DTWD2: variants seen among roughly 807,000 people sequenced by gnomAD.
DTWD2 encodes tRNA-uridine aminocarboxypropyltransferase 2.
Under a neutral mutation model 31.8 loss-of-function variants are expected in DTWD2, and 39 were observed. That is an observed-to-expected ratio of 1.22 (90% CI 0.95 to 1.60). DTWD2 has a LOEUF of 1.60. Ranked by LOEUF, DTWD2 falls within the 40% of genes most tolerant of loss-of-function variation. The pLI, the probability that DTWD2 is intolerant of heterozygous loss-of-function variation, is 0.00. For missense variants in DTWD2, 515 were observed against 381.5 expected (o/e 1.35, Z -2.92); for synonymous variants, 180 against 142.8 (o/e 1.26, Z -1.86).
chr5:118,963,743 C>T (rs191654117), intron 1 of DTWD2, among the ~76,000 whole-genome samples: 1 of 152,060 alleles, frequency 6.6e-6, no homozygotes, highest in South Asian at 2.1e-4. Flanking sequence ...TACCACCTCC[C>T]CTGTAAAGTT....
At chr5:118,921,636 G>C (rs1181842235) in intron 4 of DTWD2, among the ~76,000 whole-genome samples, 1 of 152,152 alleles carries the variant, frequency 6.6e-6, no homozygotes, top group Non-Finnish European at 1.5e-5. Flanking sequence ...CTCCCCCAAA[G>C]GAGGAAGACA....
intron 1 of DTWD2, among the ~76,000 whole-genome samples, chr5:118,984,837 A>G (rs1755388120): frequency 6.6e-6 from 1 of 152,224 alleles, no homozygotes; most frequent in African/African-American, 2.4e-5. Context: ...CAGAAGATAT[A>G]AAAGTATAAT....
At chr5:118,979,087 A>C (rs1425982380) in intron 1 of DTWD2, among the ~76,000 whole-genome samples, 1 of 152,054 alleles carries the variant, frequency 6.6e-6, no homozygotes, top group African/African-American at 2.4e-5. Context: ...GGTGGATCAC[A>C]AGATCAGGAG....
intron 1 of DTWD2, among the ~76,000 whole-genome samples, chr5:118,962,263 T>G (rs898127227): frequency 6.6e-6 from 1 of 152,136 alleles, no homozygotes; most frequent in African/African-American, 2.4e-5. Flanking sequence ...TTATTTGCTA[T>G]AAATTAGAGA....
At chr5:118,908,792 A>C (rs188818899) in intron 4 of DTWD2, among the ~76,000 whole-genome samples, 46 of 152,300 alleles carry the variant, frequency 3.0e-4, no homozygotes, top group Admixed American at 2.6e-3. Context: ...AATTAAACTC[A>C]AATCACTTAA....
At chr5:118,981,962 T>C (rs931933382) in intron 1 of DTWD2, among the ~76,000 whole-genome samples, 1 of 152,204 alleles carries the variant, frequency 6.6e-6, no homozygotes, top group African/African-American at 2.4e-5. Context: ...GGTGTAGCAA[T>C]AATTCATTAT....
At chr5:118,845,355 C>T (rs1278944988) in intron 5 of DTWD2, among the ~76,000 whole-genome samples, 1 of 152,166 alleles carries the variant, frequency 6.6e-6, no homozygotes, top group Non-Finnish European at 1.5e-5. Flanking sequence ...ACTGATACTG[C>T]ATTTCACAAA....
At chr5:118,868,249 C>A (rs1752423165) in intron 4 of DTWD2, among the ~76,000 whole-genome samples, 1 of 151,446 alleles carries the variant, frequency 6.6e-6, no homozygotes. Flanking sequence ...TTACACCATA[C>A]ACAAAAAATT....
intron 4 of DTWD2, among the ~76,000 whole-genome samples, chr5:118,872,513 A>C (rs1752528262): frequency 6.6e-6 from 1 of 152,216 alleles, no homozygotes; most frequent in Admixed American, 6.5e-5. Flanking sequence ...TGTATCTCAG[A>C]AAATAGGACA....
chr5:118,943,427 TGTA>T (rs907195991), intron 2 of DTWD2, among the ~76,000 whole-genome samples: 1 of 151,876 alleles, frequency 6.6e-6, no homozygotes, highest in African/African-American at 2.4e-5. Context: ...GGTGGGCGCC[TGTA>T]GTCCCAGCTA....
At chr5:118,846,373 A>G (rs1236039987) in intron 5 of DTWD2, among the ~76,000 whole-genome samples, 1 of 152,178 alleles carries the variant, frequency 6.6e-6, no homozygotes, top group African/African-American at 2.4e-5. Flanking sequence ...TAAAGGTTAT[A>G]TTTAGGATTG....
chr5:118,918,201 T>C (rs1039597991), intron 4 of DTWD2, among the ~76,000 whole-genome samples: 2 of 152,250 alleles, frequency 1.3e-5, no homozygotes, highest in African/African-American at 4.8e-5. Flanking sequence ...TCAGTCTTTT[T>C]GTTTGTTCTT....
At chr5:118,957,137 C>A (rs556512423) in intron 1 of DTWD2, among the ~76,000 whole-genome samples, 3 of 152,216 alleles carry the variant, frequency 2.0e-5, no homozygotes, top group African/African-American at 7.2e-5. Flanking sequence ...TATTCCCATA[C>A]CCTGCAAAAT....
intron 3 of DTWD2, among the ~76,000 whole-genome samples, chr5:118,932,704 C>A (rs1753954988): frequency 1.3e-5 from 2 of 152,130 alleles, no homozygotes; most frequent in African/African-American, 2.4e-5. Context: ...TTCAGAGGGA[C>A]AACCATATGA....
intron 3 of DTWD2, 21 bp downstream of exon 3, chr5:118,939,175 T>G: frequency 6.3e-7 from 1 of 1,582,538 alleles, no homozygotes; most frequent in Non-Finnish European, 8.6e-7. Flanking sequence ...ATTATTTACA[T>G]TGCCCTAACA....
chr5:118,884,627 T>A (rs1752814516), intron 4 of DTWD2, among the ~76,000 whole-genome samples: 1 of 152,244 alleles, frequency 6.6e-6, no homozygotes. Context: ...GCATAGCTTT[T>A]TCCTTTCACA....
At chr5:118,848,504 T>C (rs569912681) in intron 4 of DTWD2, among the ~76,000 whole-genome samples, 2 of 152,200 alleles carry the variant, frequency 1.3e-5, no homozygotes, top group Non-Finnish European at 2.9e-5. Flanking sequence ...GTTATAAGAA[T>C]GGCAAATAGG....
chr5:118,846,223 T>C (rs986640097), intron 5 of DTWD2, among the ~76,000 whole-genome samples: 13 of 152,142 alleles, frequency 8.5e-5, no homozygotes, highest in African/African-American at 2.4e-4. Context: ...TATTAATTAA[T>C]ATAATGTACA....
At chr5:118,917,620 C>A (rs1390824685) in intron 4 of DTWD2, among the ~76,000 whole-genome samples, 4 of 152,138 alleles carry the variant, frequency 2.6e-5, no homozygotes, top group Non-Finnish European at 4.4e-5. Flanking sequence ...CAAACATGTC[C>A]TTCACATGGG....
Sources: allele counts gnomAD v4.1 joint callset (sites outside exome capture counted in the v4.1 genomes callset), GRCh38; gene constraint gnomAD v4.1.1; transcripts MANE v1.5; gene names NCBI Gene and HGNC (gene_info 2026-07-23, HGNC 2026-07-21).